THRA: variants seen among roughly 807,000 people sequenced by gnomAD.
The protein encoded by THRA is thyroid hormone receptor alpha.
A neutral mutation model predicts 45.0 loss-of-function variants in THRA; 13 were observed. That is an observed-to-expected ratio of 0.29 (90% CI 0.19 to 0.46). The LOEUF is 0.46. THRA is among the 20% of genes least tolerant of loss of function. THRA has a pLI of 1.00. For synonymous variants in THRA, 195 were observed against 214.0 expected (o/e 0.91, Z 0.78); for missense variants, 278 against 556.1 (o/e 0.50, Z 5.03).
chr17:40,070,795 C>T (rs569605566), intron 1 of THRA, among the ~76,000 whole-genome samples: 2 of 152,108 alleles, frequency 1.3e-5, no homozygotes, highest in East Asian at 1.9e-4. Context: ...CAGCTGTCAC[C>T]GTGGAAACCA....
At chr17:40,074,824 A>G (rs988157038) in intron 2 of THRA, among the ~76,000 whole-genome samples, 2 of 152,202 alleles carry the variant, frequency 1.3e-5, no homozygotes, top group African/African-American at 4.8e-5. Flanking sequence ...GATGCCCCCA[A>G]CGTCCCTTCC....
rs1367658891 is a variant in THRA, at chr17:40,076,355, TG to T, written c.54-513del. ...CCTGTGCAGAGTGTTGTGTAACACATGGGCATATCCTAGAGGTTGTATAGCA... is the reference window on the plus strand; with the variant it reads ...CCTGTGCAGAGTGTTGTGTAACACATGGCATATCCTAGAGGTTGTATAGCA... On this transcript the variant is annotated intron_variant, in intron 2 of 8. Transcript: ENST00000450525. Among the ~76,000 whole-genome samples, 48 of 152,310 alleles carry T rather than the reference TG, an allele frequency of 3.2e-4. 1 individual carries two copies. The highest frequency in any genetic ancestry group is 1.1e-3 in the African/African-American group (46 of 41,568).
chr17:40,077,672 C>G (rs1986999150), intron 4 of THRA, 64 bp downstream of exon 4: 1 of 1,313,934 alleles, frequency 7.6e-7, no homozygotes, highest in Admixed American at 1.9e-5. Context: ...CCTATGTCAC[C>G]TAAAGCCCGC....
chr17:40,076,329 G>A (rs1472728565), intron 2 of THRA, among the ~76,000 whole-genome samples: 2 of 152,334 alleles, frequency 1.3e-5, no homozygotes, highest in East Asian at 3.9e-4. Flanking sequence ...TTTATGAGGT[G>A]CCTGTGCAGA....
chr17:40,080,750 T>C (rs1987109153), intron 4 of THRA, among the ~76,000 whole-genome samples: 1 of 139,412 alleles, frequency 7.2e-6, no homozygotes, highest in Admixed American at 7.8e-5. Context: ...CAAGACGGAG[T>C]CTCACTCTGT....
At chr17:40,085,040 TTCC>T (rs1468325429) in intron 6 of THRA, among the ~76,000 whole-genome samples, 1 of 152,204 alleles carries the variant, frequency 6.6e-6, no homozygotes, top group Admixed American at 6.5e-5. Flanking sequence ...GGGCCTTGCC[TTCC>T]TCATCGAATT....
At chr17:40,078,894 G>A (rs1337529008) in intron 4 of THRA, among the ~76,000 whole-genome samples, 2 of 151,930 alleles carry the variant, frequency 1.3e-5, no homozygotes, top group Non-Finnish European at 2.9e-5. Flanking sequence ...ACCACGCCCA[G>A]CTAACTTTTA....
At chr17:40,069,699 AG>A (rs973874497) in intron 1 of THRA, among the ~76,000 whole-genome samples, 1 of 151,880 alleles carries the variant, frequency 6.6e-6, no homozygotes, top group East Asian at 1.9e-4. Context: ...GGAATTGGGC[AG>A]GGGGGGCGTG....
At position 40,076,896 on chromosome 17, in the gene THRA, AAAAG is replaced by A; in HGVS notation, c.86_89del (p.Lys29ThrfsTer6). ...TGCCAGGTCACCAGATGGAAAGCGA[AAAAG>A]AAAGAACGGCCAATGTTCCCTGAAA... On this transcript the variant is annotated frameshift_variant, in exon 3 of 9. Transcript: ENST00000450525. LOFTEE classifies it high-confidence loss of function. 2 of 1,614,158 alleles carry A rather than the reference AAAAG, an allele frequency of 1.2e-6. No homozygotes were observed. The highest frequency in any genetic ancestry group is 1.7e-6 in the Non-Finnish European group (2 of 1,180,016).
chr17:40,069,992 G>A (rs922314903), intron 1 of THRA, among the ~76,000 whole-genome samples: 1 of 151,820 alleles, frequency 6.6e-6, no homozygotes, highest in East Asian at 1.9e-4. Context: ...TCTCTGACCT[G>A]CAGGGGGGGT....
Position 40,089,342 on chromosome 17 carries a change from C to T in THRA, c.1119C>T (p.Asp373=). Residue 373 remains aspartate (D), a synonymous_variant, in exon 9 of 9, where the codon GAC becomes GAT. Coordinates refer to ENST00000450525, the MANE Select transcript of THRA (RefSeq NM_199334.5). The surrounding 1 kb of genome is among the most constrained non-coding windows in gnomAD (Gnocchi z 6.1). ...FWPKLLMKVT[D]LRMIGACHAS... is the part of the protein sequence containing the mutation. ...CCAAGCTGCTGATGAAGGTGACTGACCTCCGCATGATCGGGGCCTGCCACG... is the reference window on the plus strand; with the variant it reads ...CCAAGCTGCTGATGAAGGTGACTGATCTCCGCATGATCGGGGCCTGCCACG... 2 of 1,614,196 alleles carry T rather than the reference C, an allele frequency of 1.2e-6. No individual in the cohort carries two copies. Among genetic ancestry groups the T allele is most frequent in the Non-Finnish European group, 1.7e-6 (2 of 1,180,032 alleles).
rs1363697489 is a variant in THRA, at chr17:40,088,228, C to T, written c.724-14C>T. ...GGGTATGCTGAGTGCTCCTGTGGCCCTGCCGCTCCACAGCTGCCTTGCGAA... is the reference window on the plus strand; with the variant it reads ...GGGTATGCTGAGTGCTCCTGTGGCCTTGCCGCTCCACAGCTGCCTTGCGAA... On this transcript the variant is annotated splice_polypyrimidine_tract_variant and intron_variant, in intron 7 of 8. Coordinates refer to ENST00000450525, the MANE Select transcript of THRA (RefSeq NM_199334.5). 3.8e-6 allele frequency: 6 copies of T among 1,571,590 alleles called. No individual in the cohort carries two copies. The highest frequency in any genetic ancestry group is 1.2e-5 in the South Asian group (1 of 82,996).
At chr17:40,088,188 C>T in intron 7 of THRA, 54 bp from the exon 8 acceptor site, 1 of 1,541,502 alleles carries the variant, frequency 6.5e-7, no homozygotes, top group Non-Finnish European at 8.8e-7. Context: ...AGGGGAGACT[C>T]AAGGACGCGG....
chr17:40,093,073 G>T (rs761058822), downstream of THRA: 5 of 1,614,032 alleles, frequency 3.1e-6, no homozygotes, highest in Non-Finnish European at 4.2e-6. The surrounding 1 kb of genome is among the most constrained non-coding windows in gnomAD (Gnocchi z 5.9). Context: ...CAGAAGGCCG[G>T]CCGGGCGGGT....
chr17:40,080,865 G>C (rs1198806385), intron 4 of THRA, among the ~76,000 whole-genome samples: 2 of 151,902 alleles, frequency 1.3e-5, no homozygotes, highest in African/African-American at 2.4e-5. Context: ...TGGGATTACA[G>C]GTGCCTGCCA....
In THRA at chr17:40,073,476, TTCTC is replaced by T. The variant is rs1210257136; in HGVS notation, c.-297-711_-297-708del. ...TCGTGCCCTCTTTGGAGGGTACAGA[TTCTC>T]TCTCCAGTTAATATGTGTTAGTTTC... On this transcript the variant is annotated intron_variant, in intron 1 of 8. Transcript: ENST00000450525. Among the ~76,000 whole-genome samples the T allele has an allele frequency of 3.9e-5, 6 of 152,296 alleles. No individual in the cohort carries two copies. The East Asian group carries it at 1.2e-3, about 29-fold the overall frequency.
intron 1 of THRA, among the ~76,000 whole-genome samples, chr17:40,064,629 AAAG>A (rs1986486612): frequency 6.6e-6 from 1 of 152,228 alleles, no homozygotes; most frequent in South Asian, 2.1e-4. Flanking sequence ...GTAATGGTGT[AAAG>A]CATGCATTCC....
chr17:40,088,191 G>A, intron 7 of THRA, 51 bp from the exon 8 acceptor site: 1 of 1,541,992 alleles, frequency 6.5e-7, no homozygotes, highest in Non-Finnish European at 8.8e-7. Context: ...GGAGACTCAA[G>A]GACGCGGGGA....
chr17:40,085,271 A>G (rs1987281568), intron 6 of THRA, among the ~76,000 whole-genome samples: 1 of 152,086 alleles, frequency 6.6e-6, no homozygotes, highest in African/African-American at 2.4e-5. Context: ...CCAAGGTGGG[A>G]GGATCGCTTG....
Sources: allele counts gnomAD v4.1 joint callset (sites outside exome capture counted in the v4.1 genomes callset), GRCh38; gene constraint gnomAD v4.1.1; non-coding constraint Gnocchi (gnomAD v3.1); transcripts MANE v1.5; gene names NCBI Gene and HGNC (gene_info 2026-07-23, HGNC 2026-07-21).